PLA2G12B: variants seen among roughly 807,000 people sequenced by gnomAD.
PLA2G12B encodes phospholipase A2 group XIIB.
In PLA2G12B, 19 loss-of-function variants were observed where a neutral mutation model predicts 22.3. That is an observed-to-expected ratio of 0.85 (90% CI 0.60 to 1.25). PLA2G12B has a LOEUF of 1.25. Among genes scored for constraint, PLA2G12B ranks in the 50% most tolerant of loss-of-function variants. The probability of loss-of-function intolerance (pLI) is 0.00; values close to 1 mark genes in which losing one functional copy is unlikely to be tolerated. For synonymous variants in PLA2G12B, 81 were observed against 94.9 expected, an observed-to-expected ratio of 0.85 and a Z score of 0.85; for missense variants, 191 against 246.6, an observed-to-expected ratio of 0.77 and a Z score of 1.51.
chr10:72,936,843 G>C (rs1846286661), intron 3 of PLA2G12B, among the ~76,000 whole-genome samples: 1 of 152,176 alleles, frequency 6.6e-6, no homozygotes, highest in Non-Finnish European at 1.5e-5. Context: ...AAGAAAAAAA[G>C]AGAGGACTCA....
intron 3 of PLA2G12B, among the ~76,000 whole-genome samples, chr10:72,936,191 A>C (rs1846277842): frequency 6.6e-6 from 1 of 152,200 alleles, no homozygotes; most frequent in Non-Finnish European, 1.5e-5. Context: ...TTGGTTAGCC[A>C]CTGTCTTAGG....
chr10:72,938,845 G>A (rs1271466277), intron 3 of PLA2G12B, among the ~76,000 whole-genome samples: 2 of 152,126 alleles, frequency 1.3e-5, no homozygotes, highest in Non-Finnish European at 2.9e-5. Context: ...GAAATGTGAG[G>A]GATCCAGAAT....
chr10:72,949,775 G>A (rs1315893238), intron 1 of PLA2G12B, among the ~76,000 whole-genome samples: 10 of 152,088 alleles, frequency 6.6e-5, no homozygotes, highest in Admixed American at 3.9e-4. Context: ...TCATGAGTTC[G>A]AGACCAGCCT....
chr10:72,950,094 A>G (rs1439287641), intron 1 of PLA2G12B, among the ~76,000 whole-genome samples: 3 of 152,206 alleles, frequency 2.0e-5, no homozygotes, highest in African/African-American at 7.2e-5. Context: ...GACAGAGGCA[A>G]TTCTCCTGTA....
intron 1 of PLA2G12B, among the ~76,000 whole-genome samples, chr10:72,952,931 C>T (rs1174521372): frequency 6.6e-6 from 1 of 152,182 alleles, no homozygotes; most frequent in East Asian, 1.9e-4. Flanking sequence ...TTCTTGATTT[C>T]CTAATAAAAA....
intron 3 of PLA2G12B, among the ~76,000 whole-genome samples, chr10:72,938,203 T>A (rs1229862924): frequency 6.6e-6 from 1 of 150,830 alleles, no homozygotes; most frequent in African/African-American, 2.4e-5. Context: ...TCCCACAACC[T>A]AATAAAGGTC....
intron 3 of PLA2G12B, among the ~76,000 whole-genome samples, chr10:72,940,036 C>T (rs528087189): frequency 4.8e-4 from 73 of 152,190 alleles, no homozygotes; most frequent in Non-Finnish European, 8.1e-4. Context: ...CAGGAAGTAA[C>T]TTGACCTGAC....
At chr10:72,953,932 G>C (rs1032725293) in intron 1 of PLA2G12B, among the ~76,000 whole-genome samples, 1 of 152,242 alleles carries the variant, frequency 6.6e-6, no homozygotes, top group African/African-American at 2.4e-5. Flanking sequence ...GCCAGTCAGG[G>C]ACTGAGAGCT....
At chr10:72,953,797 C>T (rs753020931) in intron 1 of PLA2G12B, among the ~76,000 whole-genome samples, 2 of 152,160 alleles carry the variant, frequency 1.3e-5, no homozygotes, top group African/African-American at 2.4e-5. Flanking sequence ...CTGCATCTGG[C>T]GCCAAGTCCA....
rs1244362152 is a variant in PLA2G12B, at chr10:72,934,947, A to G, written c.*670T>C. Reference sequence around the variant, plus strand: ...CACCATTTAGTAACTGGGAATACCAATGGGGTAGGTCACCGGAGGGAAAAA... The same window carrying G: ...CACCATTTAGTAACTGGGAATACCAGTGGGGTAGGTCACCGGAGGGAAAAA... On this transcript the variant is annotated 3_prime_UTR_variant, in exon 4 of 4. Transcript: ENST00000373032. Among the ~76,000 whole-genome samples, 1 of 152,164 alleles carries G rather than the reference A, an allele frequency of 6.6e-6. No individual in the cohort carries two copies. The highest frequency in any genetic ancestry group is 2.4e-5 in the African/African-American group (1 of 41,432).
At chr10:72,942,571 A>T in intron 2 of PLA2G12B, 81 bp downstream of exon 2, 1 of 1,154,806 alleles carries the variant, frequency 8.7e-7, no homozygotes, top group Non-Finnish European at 1.2e-6. Flanking sequence ...TTCCAGAAAT[A>T]ATCACTTCCA....
intron 1 of PLA2G12B, among the ~76,000 whole-genome samples, chr10:72,948,600 T>C (rs1846479424): frequency 6.6e-6 from 1 of 152,272 alleles, no homozygotes; most frequent in South Asian, 2.1e-4. Flanking sequence ...TTTATAGGAG[T>C]GAGAGGCCGA....
intron 1 of PLA2G12B, among the ~76,000 whole-genome samples, chr10:72,947,491 C>T (rs971058400): frequency 1.3e-5 from 2 of 152,138 alleles, no homozygotes; most frequent in African/African-American, 2.4e-5. Context: ...CCATCCATCT[C>T]GGCCTCCCAA....
At chr10:72,945,591 T>C (rs1846426818) in intron 1 of PLA2G12B, among the ~76,000 whole-genome samples, 2 of 152,008 alleles carry the variant, frequency 1.3e-5, no homozygotes, top group South Asian at 4.2e-4. Context: ...TATTGTAAGC[T>C]GCTGAGTTTC....
chr10:72,935,596 C>T lies in PLA2G12B; in HGVS notation c.*21G>A, dbSNP rs1846267676. ...TGACAGCTGTGGTGTCACTCAAAAC[C>T]AGGAAGGAATCACTTCTTCCTCATA... is the stretch of plus-strand genomic sequence containing the variant. On this transcript the variant is annotated 3_prime_UTR_variant, in exon 4 of 4. Transcript: ENST00000373032. 3 of 1,612,894 alleles carry T rather than the reference C, an allele frequency of 1.9e-6. No homozygotes were observed. Among genetic ancestry groups the T allele is most frequent in the Admixed American group, 1.7e-5 (1 of 59,872 alleles).
At chr10:72,936,596 G>A (rs1165036063) in intron 3 of PLA2G12B, among the ~76,000 whole-genome samples, 3 of 152,130 alleles carry the variant, frequency 2.0e-5, no homozygotes, top group Non-Finnish European at 2.9e-5. Context: ...GGGCTGGGGT[G>A]GGGTAGGGGA....
At chr10:72,953,106 T>C (rs1159458468) in intron 1 of PLA2G12B, among the ~76,000 whole-genome samples, 3 of 152,196 alleles carry the variant, frequency 2.0e-5, no homozygotes, top group Admixed American at 2.0e-4. Flanking sequence ...TCTGCGTTGG[T>C]CCAACTGCCT....
chr10:72,942,989 A>G (rs974728446), intron 1 of PLA2G12B, among the ~76,000 whole-genome samples: 1 of 147,908 alleles, frequency 6.8e-6, no homozygotes, highest in Admixed American at 6.7e-5. Flanking sequence ...TTTTTGAGAC[A>G]GGGTCCCTCT....
At chr10:72,942,023 A>C (rs1028157534) in intron 2 of PLA2G12B, among the ~76,000 whole-genome samples, 13 of 152,150 alleles carry the variant, frequency 8.5e-5, no homozygotes, top group Admixed American at 5.2e-4. Flanking sequence ...GTGGCTCACG[A>C]CTGTAATCCC....
Sources: allele counts gnomAD v4.1 joint callset (sites outside exome capture counted in the v4.1 genomes callset), GRCh38; gene constraint gnomAD v4.1.1; transcripts MANE v1.5; gene names NCBI Gene and HGNC (gene_info 2026-07-23, HGNC 2026-07-21).